Variants in GALNT2 observed in about 807,000 individuals in gnomAD.
GALNT2 encodes UDP-GalNAc:polypeptide N-acetylgalactosaminyltransferase 2.
In GALNT2, 31 loss-of-function variants were observed where a neutral mutation model predicts 81.4. The observed-to-expected ratio is 0.38, with a 90% CI of 0.29 to 0.51. The LOEUF is 0.51. Ranked by LOEUF, GALNT2 falls within the 20% of genes least tolerant of loss-of-function variation. The probability of loss-of-function intolerance (pLI) is 0.87; values close to 1 mark genes in which losing one functional copy is unlikely to be tolerated. For missense variants in GALNT2, 629 were observed against 765.7 expected (o/e 0.82, Z 2.11); for synonymous variants, 303 against 287.4 (o/e 1.05, Z -0.55).
chr1:230,217,659 G>T (rs951629069), intron 3 of GALNT2, among the ~76,000 whole-genome samples: 2 of 152,188 alleles, frequency 1.3e-5, no homozygotes, highest in Admixed American at 6.5e-5. Flanking sequence ...CTTTAAGCTG[G>T]CAGGGCTCAC....
chr1:230,237,839 C>CT, intron 6 of GALNT2, among the ~76,000 whole-genome samples: 1 of 149,262 alleles, frequency 6.7e-6, no homozygotes, highest in African/African-American at 2.5e-5. Context: ...CTGGCACAGG[C>CT]TTTAAAAAAA....
chr1:230,228,293 A>T (rs560662409), intron 3 of GALNT2, among the ~76,000 whole-genome samples: 54 of 152,186 alleles, frequency 3.5e-4, no homozygotes, highest in Admixed American at 3.5e-3. Flanking sequence ...TGAAGAGCTG[A>T]TTCTTAAATT....
In GALNT2 at chr1:230,281,543, A is replaced by T. The variant is rs1327213193; in HGVS notation, c.*2085A>T. ...AAATGGATGAATCTGGCTCGTTTTA[A>T]AATCACGTTTTCTGACGAATCCTTT... On this transcript the variant is annotated 3_prime_UTR_variant, in exon 16 of 16. Transcript: ENST00000366672. The T allele has an allele frequency of 6.6e-6, 1 of 152,168 alleles. No individual in the cohort carries two copies. Among genetic ancestry groups the T allele is most frequent in the Non-Finnish European group, 1.5e-5 (1 of 68,030 alleles). 9.4% of individuals were successfully genotyped at this position (152,168 alleles called of 1,614,324 possible).
At chr1:230,063,425 T>C (rs1354634796), upstream of GALNT2, among the ~76,000 whole-genome samples, 2 of 152,220 alleles carry the variant, frequency 1.3e-5, no homozygotes, top group East Asian at 1.9e-4. Flanking sequence ...TGGAGGTACA[T>C]TACAGTTTGT....
chr1:230,221,189 T>C (rs1165435101), intron 3 of GALNT2, among the ~76,000 whole-genome samples: 1 of 152,174 alleles, frequency 6.6e-6, no homozygotes, highest in African/African-American at 2.4e-5. Flanking sequence ...TTTCATTCAG[T>C]AATACATAGG....
chr1:230,263,089 G>C, intron 13 of GALNT2, 84 bp downstream of exon 13: 3 of 1,163,898 alleles, frequency 2.6e-6, no homozygotes, highest in Non-Finnish European at 3.8e-6. Flanking sequence ...GGAAATGGAG[G>C]TGGGGCTGCA....
intron 3 of GALNT2, among the ~76,000 whole-genome samples, chr1:230,235,581 C>T (rs1201492836): frequency 3.3e-5 from 5 of 152,134 alleles, no homozygotes; most frequent in African/African-American, 9.7e-5. Context: ...CAAATATCAC[C>T]GGAGTACCAC....
chr1:230,147,336 A>G (rs1014731806), intron 1 of GALNT2, among the ~76,000 whole-genome samples: 1 of 152,176 alleles, frequency 6.6e-6, no homozygotes, highest in African/African-American at 2.4e-5. Context: ...ATTTTATTCA[A>G]CATTCATTGT....
At position 230,071,417 on chromosome 1, in the gene GALNT2, C is replaced by T. The variant is rs922781594; in HGVS notation, c.126+4011C>T. On this transcript the variant is annotated intron_variant, in intron 1 of 15. Transcript: ENST00000366672. ...GGGTGGAGGGTGCAGCTTGCCTTGGCGGTTAGGCAGTTGTAGTGTCCAACA... is the reference window on the plus strand; with the variant it reads ...GGGTGGAGGGTGCAGCTTGCCTTGGTGGTTAGGCAGTTGTAGTGTCCAACA... Among the ~76,000 whole-genome samples, 13 of 152,142 alleles carry T rather than the reference C, an allele frequency of 8.5e-5. No individual in the cohort carries two copies. The East Asian group carries it at 9.6e-4, about 11-fold the overall frequency.
intron 3 of GALNT2, among the ~76,000 whole-genome samples, chr1:230,222,649 G>C (rs1356245354): frequency 1.3e-5 from 2 of 151,746 alleles, no homozygotes; most frequent in Admixed American, 1.3e-4. Flanking sequence ...TTATTGCTGT[G>C]GAGTCAGACA....
chr1:230,105,238 T>C (rs1201187269), intron 1 of GALNT2, among the ~76,000 whole-genome samples: 1 of 152,158 alleles, frequency 6.6e-6, no homozygotes, highest in Non-Finnish European at 1.5e-5. Context: ...GAGTCTGAAA[T>C]GCAAACAGGT....
rs1390066726 is a variant in GALNT2, at chr1:230,105,003, T to G, written c.126+37597T>G. 2.0e-5 allele frequency among the ~76,000 whole-genome samples: 3 copies of G among 152,212 alleles called. No individual in the cohort carries two copies. The East Asian group carries it at 5.8e-4, about 29-fold the overall frequency. ...TGGAATGTAGGCAGGAGGGCCACAG[T>G]GGCGCTGTGGATTCAGACCACACCT... On this transcript the variant is annotated intron_variant, in intron 1 of 15. Coordinates refer to ENST00000366672, the MANE Select transcript of GALNT2 (RefSeq NM_004481.5).
intron 1 of GALNT2, among the ~76,000 whole-genome samples, chr1:230,140,456 C>A (rs1374655878): frequency 6.6e-6 from 1 of 152,180 alleles, no homozygotes; most frequent in Non-Finnish European, 1.5e-5. Flanking sequence ...AGAGAGTGGT[C>A]CCTGTCCTAC....
chr1:230,094,102 A>G (rs1381545671), intron 1 of GALNT2, among the ~76,000 whole-genome samples: 1 of 151,726 alleles, frequency 6.6e-6, no homozygotes, highest in Non-Finnish European at 1.5e-5. Flanking sequence ...GGCTCAAGCA[A>G]TCCTCCTGCC....
Position 230,281,824 on chromosome 1 carries a change from C to G in GALNT2, c.*2366C>G, listed in dbSNP as rs1207640395. On this transcript the variant is annotated 3_prime_UTR_variant, in exon 16 of 16. Transcript: ENST00000366672. The stretch of plus-strand genomic sequence containing the variant: ...TTGCGTTAGTTTTTAATCATCAGGA[C>G]TATCTCACCCTCCCACTCCTGTTTT... 1.3e-5 allele frequency: 2 copies of G among 152,596 alleles called. No homozygotes were observed. Among genetic ancestry groups the G allele is most frequent in the Admixed American group, 1.3e-4 (2 of 15,272 alleles). The allele number at this position is 152,596 out of a possible 1,614,324, so 9.5% of individuals were successfully genotyped here. A position where few individuals can be genotyped will look rare whatever the true frequency, so the allele number is the denominator to read the frequency against.
chr1:230,216,955 T>C (rs1316680776), intron 3 of GALNT2, among the ~76,000 whole-genome samples: 1 of 152,190 alleles, frequency 6.6e-6, no homozygotes, highest in Non-Finnish European at 1.5e-5. Flanking sequence ...TGTACTTGGA[T>C]TTAAAGTTTT....
At chr1:230,109,691 G>C (rs1286418053) in intron 1 of GALNT2, among the ~76,000 whole-genome samples, 1 of 152,308 alleles carries the variant, frequency 6.6e-6, no homozygotes, top group Non-Finnish European at 1.5e-5. Context: ...AGCTGGGCGT[G>C]GTGGCAGGTG....
chr1:230,100,591 G>A (rs549214819), intron 1 of GALNT2, among the ~76,000 whole-genome samples: 8 of 152,212 alleles, frequency 5.3e-5, no homozygotes, highest in Admixed American at 5.2e-4. Context: ...CTCCCAAAGT[G>A]CTGGGATTAC....
In GALNT2 at chr1:230,235,426, C is replaced by T. The variant is rs138563814; in HGVS notation, c.375-588C>T. On this transcript the variant is annotated intron_variant, in intron 3 of 15. Transcript: ENST00000366672. ...AGGCTCAGGGTCCCATTGACTGTAC[C>T]CTCACTCCATCTCCCCATCTTCATC... Among the ~76,000 whole-genome samples the T allele has an allele frequency of 9.2e-5, 14 of 152,126 alleles. No homozygotes were observed. In the South Asian group the frequency reaches 1.5e-3, roughly 16 times the overall value.
Sources: allele counts gnomAD v4.1 joint callset (sites outside exome capture counted in the v4.1 genomes callset), GRCh38; gene constraint gnomAD v4.1.1; transcripts MANE v1.5; gene names NCBI Gene and HGNC (gene_info 2026-07-23, HGNC 2026-07-21).